The following CCDC63 variants were observed in gnomAD, a reference collection of about 807,000 sequenced individuals.
CCDC63 encodes coiled-coil domain-containing protein 63.
CCDC63 carries 54 observed loss-of-function variants against 63.6 expected under a neutral mutation model. The ratio of observed to expected loss-of-function variants is 0.85; its 90% CI spans 0.68 to 1.07. The LOEUF (loss-of-function observed/expected upper bound fraction) is 1.07. CCDC63 is among the 50% of genes least tolerant of loss of function. The pLI is 0.00. For synonymous variants in CCDC63, 253 were observed against 266.1 expected (o/e 0.95, Z 0.48); for missense variants, 637 against 689.6 (o/e 0.92, Z 0.86).
At chr12:110,863,331 A>C (rs181740229) in intron 4 of CCDC63, among the ~76,000 whole-genome samples, 192 of 152,076 alleles carry the variant, frequency 1.3e-3, no homozygotes, top group Non-Finnish European at 2.0e-3. Context: ...TTGTAATAGC[A>C]TTCATATGCC....
At chr12:110,858,266 C>G (rs2070804901) in intron 3 of CCDC63, among the ~76,000 whole-genome samples, 1 of 152,118 alleles carries the variant, frequency 6.6e-6, no homozygotes, top group Non-Finnish European at 1.5e-5. Flanking sequence ...AGACAGGTGC[C>G]AGGGAGTTGC....
chr12:110,862,094 T>TA (rs1218549617), intron 4 of CCDC63, among the ~76,000 whole-genome samples: 1 of 152,076 alleles, frequency 6.6e-6, no homozygotes, highest in Non-Finnish European at 1.5e-5. Flanking sequence ...AGGTGTTTAA[T>TA]AAACACTGGT....
At chr12:110,872,711 G>A (rs61940982) in intron 4 of CCDC63, among the ~76,000 whole-genome samples, 3 of 151,926 alleles carry the variant, frequency 2.0e-5, no homozygotes, top group African/African-American at 4.8e-5. Context: ...CTGCAGCTTC[G>A]ACCTCCTAGG....
chr12:110,874,953 G>C (rs2071111990), intron 5 of CCDC63, among the ~76,000 whole-genome samples: 1 of 152,180 alleles, frequency 6.6e-6, no homozygotes, highest in African/African-American at 2.4e-5. Context: ...TTCCAGTCTG[G>C]TTTGTGAAAC....
intron 5 of CCDC63, among the ~76,000 whole-genome samples, chr12:110,878,952 T>C (rs2071166037): frequency 6.6e-6 from 1 of 152,224 alleles, no homozygotes; most frequent in Non-Finnish European, 1.5e-5. Flanking sequence ...AATAAAATAA[T>C]GAGCAAATCT....
intron 8 of CCDC63, among the ~76,000 whole-genome samples, chr12:110,888,838 C>G (rs529726677): frequency 2.2e-4 from 27 of 121,812 alleles, no homozygotes; most frequent in African/African-American, 9.3e-4. Flanking sequence ...TCCTTCCTTC[C>G]TTCCTTCCTT....
chr12:110,894,476 T>A (rs1592784031), intron 9 of CCDC63, among the ~76,000 whole-genome samples: 1 of 152,116 alleles, frequency 6.6e-6, no homozygotes, highest in Admixed American at 6.5e-5. Flanking sequence ...TTTGCGGCTG[T>A]TTTCTGCTTT....
In CCDC63 at chr12:110,852,839, C is replaced by T. The variant is rs2070722014; in HGVS notation, c.-96-20C>T. On this transcript the variant is annotated intron_variant, in intron 1 of 11. Transcript: ENST00000308208. ...GCAGGGGTGGCTTACAAGTTCTCTT[C>T]CTTTTGCCACCATGAACAGGGCATT... 4 of 1,555,530 alleles carry T rather than the reference C, an allele frequency of 2.6e-6. No homozygotes were observed. The highest frequency in any genetic ancestry group is 1.7e-5 in the Admixed American group (1 of 59,854).
At chr12:110,878,067 C>T (rs904604398) in intron 5 of CCDC63, among the ~76,000 whole-genome samples, 2 of 152,058 alleles carry the variant, frequency 1.3e-5, no homozygotes, top group Non-Finnish European at 1.5e-5. Flanking sequence ...TTTCATTCTG[C>T]GTCTGGCTTA....
At chr12:110,866,938 G>A (rs1284464289) in intron 4 of CCDC63, among the ~76,000 whole-genome samples, 1 of 142,840 alleles carries the variant, frequency 7.0e-6, no homozygotes, top group African/African-American at 2.6e-5. Context: ...GCGGCTGGCC[G>A]GGCGGGGGGC....
chr12:110,886,780 C>G (rs935288049), intron 8 of CCDC63, among the ~76,000 whole-genome samples: 1 of 152,120 alleles, frequency 6.6e-6, no homozygotes, highest in East Asian at 1.9e-4. Context: ...GGGAGGTGCA[C>G]CCGGGGGTGG....
rs1449324965 is a variant in CCDC63, at chr12:110,847,061, A to T, written c.-141A>T. The T allele has an allele frequency of 6.6e-6, 1 of 152,114 alleles. No homozygotes were observed. The highest frequency in any genetic ancestry group is 1.5e-5 in the Non-Finnish European group (1 of 68,028). The allele number at this position is 152,114 out of a possible 1,614,324, so 9.4% of individuals were successfully genotyped here. A position where few individuals can be genotyped will look rare whatever the true frequency, so the allele number is the denominator to read the frequency against. Reference sequence around the variant, plus strand: ...GCGCAGTTGCAGCAGCCGTCGGACAAGCGGCCGGAGCAGCCACGGACAAGC... The same window carrying T: ...GCGCAGTTGCAGCAGCCGTCGGACATGCGGCCGGAGCAGCCACGGACAAGC... On this transcript the variant is annotated 5_prime_UTR_variant, in exon 1 of 12. In the 5' UTR this introduces an upstream ATG that the reference lacks. Transcript: ENST00000308208.
At chr12:110,867,614 C>T (rs1289611543) in intron 4 of CCDC63, among the ~76,000 whole-genome samples, 9 of 135,946 alleles carry the variant, frequency 6.6e-5, no homozygotes, top group African/African-American at 1.7e-4. Flanking sequence ...GGCGGCTGGC[C>T]GGGCAGAGGG....
intron 8 of CCDC63, among the ~76,000 whole-genome samples, chr12:110,888,786 TTTCCTTCCTTCCTTCCTTCCTTCC>T (rs539750683): frequency 0.025 from 2,163 of 85,570 alleles, 34 homozygotes; most frequent in South Asian, 0.059. Flanking sequence ...TTGGTCCTTC[TTTCCTTCCTTCCTTCCTTCCTTCC>T]TTCCTTCCTT....
chr12:110,846,543 T>A (rs79192723), upstream of CCDC63, among the ~76,000 whole-genome samples: 2,831 of 152,162 alleles, frequency 0.019, 26 homozygotes, highest in African/African-American at 0.024. Context: ...CATTTTTTTT[T>A]AATTTATTTT....
At chr12:110,846,906 G>C (rs2070643255), upstream of CCDC63, 1 of 152,308 alleles carries the variant, frequency 6.6e-6, no homozygotes, top group Non-Finnish European at 1.5e-5. Flanking sequence ...CGGACTTGCA[G>C]GGGAGAACGT....
intron 4 of CCDC63, among the ~76,000 whole-genome samples, chr12:110,864,568 A>G (rs866279154): frequency 1.3e-5 from 2 of 151,892 alleles, no homozygotes; most frequent in African/African-American, 2.4e-5. Flanking sequence ...ATCTCTGCAT[A>G]TGGTGGTGCA....
At chr12:110,845,844 C>T (rs2070630866), upstream of CCDC63, 2 of 150,632 alleles carry the variant, frequency 1.3e-5, no homozygotes. Context: ...CAACCTTTGC[C>T]TCCTGGGTTC....
rs114179385 is a variant in CCDC63 at position 110,853,307 on chromosome 12, C to T, written c.10-98C>T. ...GAAGGTCTTCCACTTCTAGCCATGG[C>T]CCAGCCACCCCCACTGCCCTTCACT... is the stretch of plus-strand genomic sequence containing the variant. On this transcript the variant is annotated intron_variant, in intron 2 of 11. Coordinates refer to ENST00000308208, the MANE Select transcript of CCDC63 (RefSeq NM_152591.3). 994 of 1,242,308 alleles carry T rather than the reference C, an allele frequency of 8.0e-4. 8 individuals carry two copies. The African/African-American group carries it at 0.014, about 17-fold the overall frequency. 77.0% of individuals were successfully genotyped at this position (1,242,308 alleles called of 1,614,324 possible).
Sources: gnomAD v4.1 joint callset for allele counts (sites outside exome capture counted in the v4.1 genomes callset) on GRCh38, gnomAD v4.1.1 for gene constraint, MANE v1.5 for transcripts, NCBI Gene and HGNC (gene_info 2026-07-23, HGNC 2026-07-21) for gene names.